C1orf21: variants seen among roughly 807,000 people sequenced by gnomAD.
The protein encoded by C1orf21 is chromosome 1 open reading frame 21, also known as uncharacterized protein C1orf21.
A neutral mutation model predicts 18.7 loss-of-function variants in C1orf21; 3 were observed. The observed-to-expected ratio is 0.16, with a 90% CI of 0.07 to 0.42. The LOEUF (loss-of-function observed/expected upper bound fraction) is 0.42. C1orf21 is among the 10% of genes least tolerant of loss of function. The pLI, the probability that C1orf21 is intolerant of heterozygous loss-of-function variation, is 0.99. For synonymous variants in C1orf21, 41 were observed against 46.4 expected (o/e 0.88, Z 0.47); for missense variants, 104 against 143.6 (o/e 0.72, Z 1.41).
At chr1:184,403,638 A>T (rs1392988799) in intron 1 of C1orf21, among the ~76,000 whole-genome samples, 1 of 152,268 alleles carries the variant, frequency 6.6e-6, no homozygotes, top group Non-Finnish European at 1.5e-5. Context: ...ACAAAACAAC[A>T]AAAACAAAAA....
intron 3 of C1orf21, chr1:184,568,587 G>A (rs1266651387): frequency 2.9e-6 from 1 of 340,016 alleles, no homozygotes; most frequent in Non-Finnish European, 5.8e-6. Context: ...AATGATGCAT[G>A]TTAAGCTCTT....
chr1:184,549,921 T>C (rs1019189576), intron 3 of C1orf21, among the ~76,000 whole-genome samples: 1 of 152,242 alleles, frequency 6.6e-6, no homozygotes, highest in Non-Finnish European at 1.5e-5. Context: ...ATTTATGATT[T>C]TTCAACTTTA....
chr1:184,543,143 G>A (rs1658680527), intron 3 of C1orf21, among the ~76,000 whole-genome samples: 1 of 152,076 alleles, frequency 6.6e-6, no homozygotes, highest in Non-Finnish European at 1.5e-5. Flanking sequence ...TTGAACCCAG[G>A]AATTCCAGCC....
chr1:184,548,635 C>A (rs1052778906), intron 3 of C1orf21, among the ~76,000 whole-genome samples: 3 of 151,808 alleles, frequency 2.0e-5, no homozygotes, highest in African/African-American at 7.3e-5. Context: ...CTGTGAACTT[C>A]CATGAGAAAA....
intron 2 of C1orf21, among the ~76,000 whole-genome samples, chr1:184,488,641 T>G (rs1457161242): frequency 2.6e-5 from 4 of 152,240 alleles, no homozygotes; most frequent in Non-Finnish European, 5.9e-5. Context: ...TTAGAATTTT[T>G]CAGATTAATC....
chr1:184,605,724 C>T lies in C1orf21; in HGVS notation c.327+7263C>T, dbSNP rs546580442. ...CCAGGTTAAGTTAAACTCTCTGATT[C>T]TCAGTTTTCTCACCAATAAAATTTG... On this transcript the variant is annotated intron_variant, in intron 5 of 5. Transcript: ENST00000235307. Among the ~76,000 whole-genome samples, 3 of 152,326 alleles carry T rather than the reference C, an allele frequency of 2.0e-5. No individual in the cohort carries two copies. The South Asian group carries it at 6.2e-4, about 32-fold the overall frequency.
chr1:184,625,598 C>G lies in C1orf21; in HGVS notation c.*6042C>G, dbSNP rs976514424. 6.6e-6 allele frequency: 1 copy of G among 152,548 alleles called. No individual in the cohort carries two copies. Among genetic ancestry groups the G allele is most frequent in the Non-Finnish European group, 1.5e-5 (1 of 68,040 alleles). The allele number at this position is 152,548 out of a possible 1,614,324, so 9.4% of individuals were successfully genotyped here. ...GAGATACGTGGAGAAAGGAAATTTA[C>G]TCTATCATTGCAATACTTCAAGAAA... On this transcript the variant is annotated 3_prime_UTR_variant, in exon 6 of 6. Transcript: ENST00000235307.
chr1:184,433,803 T>G (rs886300825), intron 1 of C1orf21, among the ~76,000 whole-genome samples: 7 of 152,192 alleles, frequency 4.6e-5, no homozygotes, highest in Non-Finnish European at 8.8e-5. Context: ...ACCTTTAGTT[T>G]CCCTTGGACC....
intron 1 of C1orf21, among the ~76,000 whole-genome samples, chr1:184,434,231 C>T (rs916787620): frequency 5.9e-5 from 9 of 152,052 alleles, no homozygotes; most frequent in Non-Finnish European, 1.0e-4. Context: ...ATGAGTGTGG[C>T]TAAGGCTAAT....
intron 3 of C1orf21, among the ~76,000 whole-genome samples, chr1:184,557,394 C>T (rs948084532): frequency 3.9e-5 from 6 of 152,088 alleles, no homozygotes; most frequent in South Asian, 2.1e-4. Flanking sequence ...TTTTATTCCT[C>T]GCCCCACTCC....
intron 2 of C1orf21, among the ~76,000 whole-genome samples, chr1:184,495,183 C>G (rs920102084): frequency 6.6e-6 from 1 of 152,218 alleles, no homozygotes; most frequent in Non-Finnish European, 1.5e-5. Context: ...CTTCCTGTAA[C>G]AGCCACCTCC....
chr1:184,430,246 G>C (rs566835739), intron 1 of C1orf21, among the ~76,000 whole-genome samples: 1 of 151,920 alleles, frequency 6.6e-6, no homozygotes, highest in South Asian at 2.1e-4. Flanking sequence ...GAATATATCA[G>C]TAGAGGTAAT....
chr1:184,620,513 A>G lies in C1orf21; in HGVS notation c.*957A>G, dbSNP rs1484926000. 4.6e-5 allele frequency: 7 copies of G among 152,598 alleles called. No homozygotes were observed. The highest frequency in any genetic ancestry group is 1.2e-4 in the African/African-American group (5 of 41,430). 9.5% of individuals were successfully genotyped at this position (152,598 alleles called of 1,614,324 possible). ...GTGAGGGGACATCCTATGACTTTTT[A>G]GGAAGGCCTGAAACCACCTTGTTAC... is the stretch of plus-strand genomic sequence containing the variant. On this transcript the variant is annotated 3_prime_UTR_variant, in exon 6 of 6. Transcript: ENST00000235307.
intron 5 of C1orf21, among the ~76,000 whole-genome samples, chr1:184,610,739 T>C (rs1339379568): frequency 6.6e-6 from 1 of 151,324 alleles, no homozygotes; most frequent in Non-Finnish European, 1.5e-5. Flanking sequence ...TCCCAGGTAC[T>C]CGGGAGGCTG....
chr1:184,515,665 A>G (rs1416769903), intron 3 of C1orf21, among the ~76,000 whole-genome samples: 1 of 152,214 alleles, frequency 6.6e-6, no homozygotes, highest in Non-Finnish European at 1.5e-5. Flanking sequence ...TAAGGAAAAT[A>G]TTAAGGACAT....
At position 184,555,154 on chromosome 1, in the gene C1orf21, T is replaced by A. The variant is rs144287798; in HGVS notation, c.190-35585T>A. Among the ~76,000 whole-genome samples the A allele has an allele frequency of 2.2e-3, 341 of 152,338 alleles. 3 individuals are homozygous for A. Among genetic ancestry groups the A allele is most frequent in the African/African-American group, 7.8e-3 (324 of 41,584 alleles). On this transcript the variant is annotated intron_variant, in intron 3 of 5. Transcript: ENST00000235307. ...CCTGCTCAGCACCTAGAACAATATC[T>A]AGCCTATAACTAGCCCTCATTTTCA...
At position 184,490,506 on chromosome 1, in the gene C1orf21, C is replaced by A. The variant is rs575091014; in HGVS notation, c.94+12903C>A. The stretch of plus-strand genomic sequence containing the variant: ...AAGGCTTAGAGGTACACCACACATA[C>A]AATATAGCAGGGGAGACTGGGAAAC... On this transcript the variant is annotated intron_variant, in intron 2 of 5. Transcript: ENST00000235307. 6.6e-5 allele frequency among the ~76,000 whole-genome samples: 10 copies of A among 152,244 alleles called. No individual in the cohort carries two copies. The South Asian group carries it at 2.1e-3, about 32-fold the overall frequency.
chr1:184,487,294 G>A (rs1305354068), intron 2 of C1orf21, among the ~76,000 whole-genome samples: 2 of 152,204 alleles, frequency 1.3e-5, no homozygotes. Context: ...GTAGAGACTA[G>A]TACAGCTCCT....
chr1:184,414,844 G>C (rs1656422898), intron 1 of C1orf21, among the ~76,000 whole-genome samples: 1 of 152,126 alleles, frequency 6.6e-6, no homozygotes, highest in African/African-American at 2.4e-5. Context: ...CAGTTTATTG[G>C]TTCTTTTGGC....
Sources: allele counts gnomAD v4.1 joint callset (sites outside exome capture counted in the v4.1 genomes callset), GRCh38; gene constraint gnomAD v4.1.1; transcripts MANE v1.5; gene names NCBI Gene and HGNC (gene_info 2026-07-23, HGNC 2026-07-21).